SELENOF: variants seen among roughly 807,000 people sequenced by gnomAD.
SELENOF encodes selenoprotein F.
A neutral mutation model predicts 20.5 loss-of-function variants in SELENOF; 16 were observed. The observed-to-expected ratio is 0.78, with a 90% CI of 0.53 to 1.19. The LOEUF is 1.19. Ranked by LOEUF, SELENOF falls within the 50% of genes most tolerant of loss-of-function variation. The pLI, the probability that SELENOF is intolerant of heterozygous loss-of-function variation, is 0.00. For missense variants in SELENOF, 215 were observed against 194.2 expected (o/e 1.11, Z -0.64); for synonymous variants, 78 against 74.5 (o/e 1.05, Z -0.24).
chr1:86,866,098 G>C (rs1658582987), intron 4 of SELENOF, among the ~76,000 whole-genome samples: 1 of 151,260 alleles, frequency 6.6e-6, no homozygotes, highest in African/African-American at 2.4e-5. Context: ...TTGGGAGGCT[G>C]AGGTGGCGGG....
intron 3 of SELENOF, among the ~76,000 whole-genome samples, chr1:86,873,768 C>T (rs924704371): frequency 4.0e-5 from 6 of 151,056 alleles, no homozygotes; most frequent in Non-Finnish European, 7.4e-5. Context: ...AGGAAAATCA[C>T]TTGAACCCAG....
At chr1:86,866,195 CAAAAAAA>C (rs762072945) in intron 4 of SELENOF, among the ~76,000 whole-genome samples, 2,082 of 27,572 alleles carry the variant, frequency 0.076, 37 homozygotes, top group African/African-American at 0.14. Flanking sequence ...AGACCATGTC[CAAAAAAA>C]AAAAAAAAAA....
intron 3 of SELENOF, among the ~76,000 whole-genome samples, chr1:86,869,571 G>A (rs964170262): frequency 2.0e-5 from 3 of 151,924 alleles, no homozygotes; most frequent in Non-Finnish European, 4.4e-5. Context: ...GCCTATACAT[G>A]GGGCATTTAT....
rs3766012 is a variant in SELENOF at position 86,884,783 on chromosome 1, A to G, written c.253-4058T>C. Among the ~76,000 whole-genome samples the G allele has an allele frequency of 8.4e-3, 1,278 of 152,374 alleles. 101 individuals carry two copies. In the East Asian group the frequency reaches 0.2, roughly 24 times the overall value. Reference sequence around the variant, plus strand: ...AGCAAGTTGGTAGGCCTTTTTAAAAATACGAATTAGAGGAGTCTTACTTGT... The same window carrying G: ...AGCAAGTTGGTAGGCCTTTTTAAAAGTACGAATTAGAGGAGTCTTACTTGT... On this transcript the variant is annotated intron_variant, in intron 2 of 4. Transcript: ENST00000331835.
chr1:86,870,772 C>A lies in SELENOF; in HGVS notation c.317-2670G>T, dbSNP rs1658741627. Among the ~76,000 whole-genome samples the A allele has an allele frequency of 2.0e-5, 3 of 152,300 alleles. No homozygotes were observed. In the South Asian group the frequency reaches 6.2e-4, roughly 32 times the overall value. Reference sequence around the variant, plus strand: ...CAGCTGGGACTACAGGCACCCGCCACCACGCACAGCTAATTTTTTTTTATT... The same window carrying A: ...CAGCTGGGACTACAGGCACCCGCCAACACGCACAGCTAATTTTTTTTTATT... On this transcript the variant is annotated intron_variant, in intron 3 of 4. Transcript: ENST00000331835.
chr1:86,887,195 T>C (rs894981851), intron 2 of SELENOF: 27 of 1,542,070 alleles, frequency 1.8e-5, no homozygotes, highest in South Asian at 3.6e-5. Flanking sequence ...AATGGATGAA[T>C]ACTGAGGATT....
At chr1:86,904,778 C>A (rs906647308) in intron 1 of SELENOF, among the ~76,000 whole-genome samples, 2 of 152,222 alleles carry the variant, frequency 1.3e-5, no homozygotes, top group Non-Finnish European at 2.9e-5. Context: ...AACTGTTCTG[C>A]TTCAACTACC....
chr1:86,880,108 C>A (rs1438420891), intron 3 of SELENOF, among the ~76,000 whole-genome samples: 1 of 152,054 alleles, frequency 6.6e-6, no homozygotes, highest in Non-Finnish European at 1.5e-5. Flanking sequence ...GAAAATAACC[C>A]CTTCATGTGT....
intron 4 of SELENOF, among the ~76,000 whole-genome samples, chr1:86,866,230 C>CTCTGTGTGTGTGTG (rs535243866): frequency 8.8e-6 from 1 of 113,680 alleles, no homozygotes; most frequent in Admixed American, 1.1e-4. Flanking sequence ...GTGTGTGTCT[C>CTCTGTGTGTGTGTG]TGTGTGTGTG....
At chr1:86,888,414 C>T (rs1437642509) in intron 2 of SELENOF, among the ~76,000 whole-genome samples, 1 of 152,000 alleles carries the variant, frequency 6.6e-6, no homozygotes, top group East Asian at 1.9e-4. Flanking sequence ...TATATGGAAG[C>T]AAGGATGCCT....
At chr1:86,879,184 C>G (rs1334305687) in intron 3 of SELENOF, among the ~76,000 whole-genome samples, 2 of 151,928 alleles carry the variant, frequency 1.3e-5, no homozygotes, top group Non-Finnish European at 2.9e-5. Context: ...ATCAATGCAG[C>G]TAAAAATCAA....
intron 2 of SELENOF, among the ~76,000 whole-genome samples, chr1:86,892,175 ACC>A (rs113302136): frequency 6.6e-4 from 99 of 150,852 alleles, no homozygotes; most frequent in Admixed American, 4.4e-3. Flanking sequence ...CGCATGATCC[ACC>A]CCCCCGGCAC....
In SELENOF at chr1:86,876,834, G is replaced by A. The variant is rs1658934934; in HGVS notation, c.316+3828C>T. Among the ~76,000 whole-genome samples the A allele has an allele frequency of 2.6e-5, 4 of 152,376 alleles. No individual in the cohort carries two copies. The South Asian group carries it at 8.3e-4, about 32-fold the overall frequency. On this transcript the variant is annotated intron_variant, in intron 3 of 4. Transcript: ENST00000331835. ...TAATGAAGTCACACAAGTGAAGACA[G>A]TTTCAAAGGCTAGGGCCAAGTAAGA...
At chr1:86,890,350 T>C (rs1659346878) in intron 2 of SELENOF, among the ~76,000 whole-genome samples, 1 of 152,210 alleles carries the variant, frequency 6.6e-6, no homozygotes, top group Admixed American at 6.5e-5. Context: ...TGCATACATG[T>C]ATGTTTTGTT....
intron 2 of SELENOF, among the ~76,000 whole-genome samples, chr1:86,891,961 C>T (rs148875134): frequency 4.0e-4 from 60 of 150,764 alleles, no homozygotes; most frequent in Middle Eastern, 3.5e-3. Flanking sequence ...GATGAAGTCT[C>T]GCTCTGTTGC....
chr1:86,897,005 A>T (rs1450621940), intron 2 of SELENOF, among the ~76,000 whole-genome samples: 1 of 119,638 alleles, frequency 8.4e-6, no homozygotes, highest in African/African-American at 4.4e-5. Flanking sequence ...TAAACATTTA[A>T]AAAAAAAATC....
intron 3 of SELENOF, among the ~76,000 whole-genome samples, chr1:86,872,551 T>G (rs1658803726): frequency 6.6e-6 from 1 of 151,878 alleles, no homozygotes; most frequent in Admixed American, 6.6e-5. Context: ...TTTTTTTTTT[T>G]TGTATTTTTA....
chr1:86,875,805 G>A (rs1050969456), intron 3 of SELENOF, among the ~76,000 whole-genome samples: 4 of 152,176 alleles, frequency 2.6e-5, no homozygotes, highest in African/African-American at 7.2e-5. Flanking sequence ...CAATGCTGGA[G>A]CTAAATTTTG....
chr1:86,885,476 T>A (rs957412182), intron 2 of SELENOF, among the ~76,000 whole-genome samples: 2 of 152,168 alleles, frequency 1.3e-5, no homozygotes, highest in East Asian at 1.9e-4. Flanking sequence ...CTGAATTTTT[T>A]AAAAAGTGCA....
Sources: allele counts gnomAD v4.1 joint callset (sites outside exome capture counted in the v4.1 genomes callset), GRCh38; gene constraint gnomAD v4.1.1; transcripts MANE v1.5; gene names NCBI Gene and HGNC (gene_info 2026-07-23, HGNC 2026-07-21).